The following CNKSR2 variants were observed in gnomAD, a reference collection of about 807,000 sequenced individuals.
The protein encoded by CNKSR2 is CNK homolog protein 2.
A neutral mutation model predicts 84.4 loss-of-function variants in CNKSR2; 14 were observed. The observed-to-expected ratio is 0.17, with a 90% CI of 0.11 to 0.26. The LOEUF is 0.26. Ranked by LOEUF, CNKSR2 falls within the 10% of genes least tolerant of loss-of-function variation. The probability of loss-of-function intolerance (pLI) is 1.00; values close to 1 mark genes in which losing one functional copy is unlikely to be tolerated. For missense variants in CNKSR2, 485 were observed against 771.2 expected, an observed-to-expected ratio of 0.63 and a Z score of 4.40; for synonymous variants, 275 against 277.9, an observed-to-expected ratio of 0.99 and a Z score of 0.10.
At chrX:21,554,783 G>A (rs1051729347) in intron 11 of CNKSR2, among the ~76,000 whole-genome samples, 2 of 111,072 alleles carry the variant, frequency 1.8e-5, no homozygotes, top group African/African-American at 6.5e-5. Flanking sequence ...GAATAGTGCT[G>A]CAATGAACAT....
At chrX:21,562,735 T>C (rs768039631) in intron 12 of CNKSR2, among the ~76,000 whole-genome samples, 1 of 111,208 alleles carries the variant, frequency 9.0e-6, no homozygotes, top group Admixed American at 9.6e-5. Context: ...GACTACCAAT[T>C]TAAGCATAGA....
chrX:21,397,126 C>T (rs953915081), intron 1 of CNKSR2, among the ~76,000 whole-genome samples: 5 of 111,223 alleles, frequency 4.5e-5, no homozygotes, highest in Non-Finnish European at 9.5e-5. Context: ...TCTCTGTGGG[C>T]TATGACTCAA....
intron 12 of CNKSR2, among the ~76,000 whole-genome samples, chrX:21,562,680 G>C (rs1381541918): frequency 9.0e-6 from 1 of 111,357 alleles, no homozygotes; most frequent in African/African-American, 3.3e-5. Flanking sequence ...ATATTTTAGA[G>C]ACTTTTGTTG....
At chrX:21,432,583 A>G (rs1273025408) in intron 2 of CNKSR2, 29 bp from the exon 3 acceptor site, 1 of 996,821 alleles carries the variant, frequency 1.0e-6, no homozygotes, top group Non-Finnish European at 1.4e-6. Flanking sequence ...CTGACTTTAA[A>G]TATATTCTCT....
At chrX:21,586,426 T>C (rs990756866) in intron 13 of CNKSR2, among the ~76,000 whole-genome samples, 9 of 111,402 alleles carry the variant, frequency 8.1e-5, no homozygotes, top group African/African-American at 2.9e-4. Flanking sequence ...CTGCAACCCA[T>C]TGCCACCACT....
At chrX:21,509,531 G>A (rs756295291) in intron 8 of CNKSR2, among the ~76,000 whole-genome samples, 1 of 111,612 alleles carries the variant, frequency 9.0e-6, no homozygotes, top group East Asian at 2.8e-4. Context: ...ACCTATTTAA[G>A]TTACTCTAAG....
intron 4 of CNKSR2, among the ~76,000 whole-genome samples, chrX:21,445,242 A>G (rs891790855): frequency 9.0e-6 from 1 of 111,451 alleles, no homozygotes; most frequent in East Asian, 2.8e-4. Context: ...TTTTAAAACA[A>G]TATGGATTAT....
At chrX:21,397,836 C>T (rs181644444) in intron 1 of CNKSR2, among the ~76,000 whole-genome samples, 109 of 111,357 alleles carry the variant, frequency 9.8e-4, no homozygotes, top group Non-Finnish European at 1.8e-3. Context: ...ATACACATAT[C>T]GAAATATCAC....
At position 21,591,153 on chromosome X, in the gene CNKSR2, G is replaced by A. The variant is rs748176877; in HGVS notation, c.1789G>A (p.Val597Ile). 1 of 1,207,155 alleles carries A rather than the reference G, an allele frequency of 8.3e-7. No individual in the cohort carries two copies. Among genetic ancestry groups the A allele is most frequent in the Non-Finnish European group, 1.1e-6 (1 of 892,620 alleles). Residue 597 changes from valine (V) to isoleucine (I), a missense_variant, in exon 15 of 22, where the codon GTC becomes ATC. Val to Ile is a conservative substitution (Grantham distance 29, BLOSUM62 3). Transcript: ENST00000379510. ...ACAGAAATGGAAAAAATATTGGTTT[G>A]TCCTAAAGGATGCATCCCTTTATTG... ...FSQKWKKYWF[V>I]LKDASLYWYI...
chrX:21,472,872 A>G (rs1178899010), intron 5 of CNKSR2, among the ~76,000 whole-genome samples: 1 of 111,502 alleles, frequency 9.0e-6, no homozygotes, highest in South Asian at 3.7e-4. Flanking sequence ...GACTAAGGAA[A>G]TAATCTCTTT....
chrX:21,641,085 G>A (rs1383131966), intron 20 of CNKSR2, among the ~76,000 whole-genome samples: 1 of 111,594 alleles, frequency 9.0e-6, no homozygotes, highest in Non-Finnish European at 1.9e-5. Flanking sequence ...AGACTAGAGA[G>A]GTTTTCTTCA....
At chrX:21,571,828 T>C (rs1037678166) in intron 13 of CNKSR2, among the ~76,000 whole-genome samples, 1 of 112,355 alleles carries the variant, frequency 8.9e-6, no homozygotes, top group Non-Finnish European at 1.9e-5. Flanking sequence ...GTCTAACGGC[T>C]GCCTGACTTA....
At chrX:21,511,813 A>T (rs1306043181) in intron 8 of CNKSR2, among the ~76,000 whole-genome samples, 5 of 111,173 alleles carry the variant, frequency 4.5e-5, no homozygotes, top group Non-Finnish European at 9.4e-5. Context: ...CGTGTACTGA[A>T]CTACTGAAAG....
intron 4 of CNKSR2, among the ~76,000 whole-genome samples, chrX:21,448,045 T>C (rs2090878155): frequency 9.0e-6 from 1 of 111,305 alleles, no homozygotes; most frequent in East Asian, 2.8e-4. Flanking sequence ...AAAATGCATG[T>C]AATTAAGAAC....
chrX:21,529,726 T>C (rs1246799102), intron 10 of CNKSR2, among the ~76,000 whole-genome samples: 1 of 110,712 alleles, frequency 9.0e-6, no homozygotes, highest in South Asian at 3.8e-4. Flanking sequence ...ACACAATACA[T>C]GTATCTACTC....
intron 4 of CNKSR2, chrX:21,468,733 G>A (rs1248617995): frequency 2.7e-5 from 3 of 111,429 alleles, no homozygotes; most frequent in Non-Finnish European, 3.8e-5. Flanking sequence ...ATGCATACAT[G>A]TATATACATA....
intron 4 of CNKSR2, among the ~76,000 whole-genome samples, chrX:21,469,842 G>A (rs185942944): frequency 9.1e-6 from 1 of 110,252 alleles, no homozygotes; most frequent in Admixed American, 9.6e-5. Context: ...AACCCAGGGG[G>A]TGGAGGTTGC....
intron 20 of CNKSR2, among the ~76,000 whole-genome samples, chrX:21,628,935 G>C (rs2092636066): frequency 8.9e-6 from 1 of 112,119 alleles, no homozygotes; most frequent in African/African-American, 3.2e-5. Context: ...CACTTATCAG[G>C]CTGCAAATTT....
chrX:21,465,487 A>G, intron 4 of CNKSR2, among the ~76,000 whole-genome samples: 1 of 111,685 alleles, frequency 9.0e-6, no homozygotes, highest in East Asian at 2.8e-4. Flanking sequence ...ATAATAGAAT[A>G]TGTTGAAGTG....
Sources: allele counts gnomAD v4.1 joint callset (sites outside exome capture counted in the v4.1 genomes callset), GRCh38; gene constraint gnomAD v4.1.1; transcripts MANE v1.5; gene names NCBI Gene and HGNC (gene_info 2026-07-23, HGNC 2026-07-21).